Variants in CCDC68 observed in about 807,000 individuals in gnomAD.
The protein encoded by CCDC68 is coiled-coil domain-containing protein 68.
Under a neutral mutation model 47.1 loss-of-function variants are expected in CCDC68, and 45 were observed. That is an observed-to-expected ratio of 0.96 (90% CI 0.75 to 1.23). CCDC68 has a LOEUF of 1.23. Among genes scored for constraint, CCDC68 ranks in the 50% most tolerant of loss-of-function variants. CCDC68 has a pLI of 0.00. For missense variants in CCDC68, 353 were observed against 373.6 expected (o/e 0.94, Z 0.45); for synonymous variants, 131 against 129.5 (o/e 1.01, Z -0.08).
chr18:54,930,742 G>A (rs2044241371), intron 7 of CCDC68, among the ~76,000 whole-genome samples: 2 of 142,698 alleles, frequency 1.4e-5, no homozygotes, highest in African/African-American at 5.2e-5. Context: ...TTTTTATACA[G>A]AGTTTTGCTC....
chr18:54,956,213 T>C (rs367893231), intron 1 of CCDC68, among the ~76,000 whole-genome samples: 157 of 152,248 alleles, frequency 1.0e-3, no homozygotes, highest in African/African-American at 3.7e-3. Flanking sequence ...TGGTCTCGAA[T>C]TCCTGACCTC....
In CCDC68 at chr18:54,934,888, CA is replaced by C; in HGVS notation, c.531del (p.Ala178LeufsTer29). ...LKQHVENLNQVAEKLEEKHSQ... is the reference protein window; with the variant it reads ...LKQHVENLNQXAEKLEEKHSQ... ...CTGTGTTTTTCTTCAAGTTTTTCAG[CA>C]ACTTGATTCAGATTTTCAACATGTT... On this transcript the variant is annotated frameshift_variant, in exon 7 of 12. Coordinates refer to ENST00000591504, the MANE Select transcript of CCDC68 (RefSeq NM_025214.3). LOFTEE classifies it high-confidence loss of function. 1 of 1,601,964 alleles carries C rather than the reference CA, an allele frequency of 6.2e-7. No individual in the cohort carries two copies. The highest frequency in any genetic ancestry group is 8.5e-7 in the Non-Finnish European group (1 of 1,174,396).
intron 1 of CCDC68, among the ~76,000 whole-genome samples, chr18:54,951,098 C>T (rs1461959094): frequency 1.3e-5 from 2 of 150,378 alleles, no homozygotes; most frequent in East Asian, 2.0e-4. Flanking sequence ...TTAGTAGAGA[C>T]GGGGTTTCAC....
intron 8 of CCDC68, among the ~76,000 whole-genome samples, chr18:54,926,532 C>A (rs544732030): frequency 1.3e-5 from 2 of 152,138 alleles, no homozygotes; most frequent in Admixed American, 6.5e-5. Context: ...CTCATCTTTT[C>A]GGGTGGGGAC....
chr18:54,935,121 C>A (rs2044322480), intron 6 of CCDC68, among the ~76,000 whole-genome samples, 173 bp from the exon 7 acceptor site: 1 of 152,170 alleles, frequency 6.6e-6, no homozygotes, highest in African/African-American at 2.4e-5. Context: ...TAGACTACAA[C>A]AACATTAAAT....
At chr18:54,943,371 T>G (rs992518877) in intron 2 of CCDC68, among the ~76,000 whole-genome samples, 151 of 152,022 alleles carry the variant, frequency 9.9e-4, no homozygotes, top group African/African-American at 3.6e-3. Flanking sequence ...GAGCGGAAAA[T>G]AATATATAAT....
At position 54,910,961 on chromosome 18, in the gene CCDC68, T is replaced by C. The variant is rs2145375670; in HGVS notation, c.874-3099A>G. 2.0e-5 allele frequency among the ~76,000 whole-genome samples: 3 copies of C among 152,228 alleles called. No individual in the cohort carries two copies. The Middle Eastern group carries it at 0.01, about 518-fold the overall frequency. ...CCCCAGGAGTGCAGGGACTCCTGAG[T>C]CTGCAGCCACAGTTCAAACAGCTGC... On this transcript the variant is annotated intron_variant, in intron 10 of 11. Coordinates refer to ENST00000591504, the MANE Select transcript of CCDC68 (RefSeq NM_025214.3).
chr18:54,917,610 AT>A (rs1790623297), intron 10 of CCDC68, among the ~76,000 whole-genome samples: 1 of 152,158 alleles, frequency 6.6e-6, no homozygotes, highest in South Asian at 2.1e-4. Flanking sequence ...CCTTTTTTCC[AT>A]AGTGCTAATT....
At chr18:54,913,760 C>T (rs2043895444) in intron 10 of CCDC68, among the ~76,000 whole-genome samples, 1 of 152,024 alleles carries the variant, frequency 6.6e-6, no homozygotes, top group Non-Finnish European at 1.5e-5. Context: ...CTGCAGTGAG[C>T]CATGATCATG....
intron 8 of CCDC68, among the ~76,000 whole-genome samples, chr18:54,927,249 T>C (rs1288624809): frequency 1.3e-5 from 2 of 152,194 alleles, no homozygotes; most frequent in Non-Finnish European, 2.9e-5. Flanking sequence ...GCCTGGATGT[T>C]GGAAAAACCT....
At position 54,904,334 on chromosome 18, in the gene CCDC68, A is replaced by G. The variant is rs1041511539; in HGVS notation, c.*24T>C. The G allele has an allele frequency of 1.3e-6, 2 of 1,588,546 alleles. No individual in the cohort carries two copies. The highest frequency in any genetic ancestry group is 1.3e-5 in the African/African-American group (1 of 74,426). ...TAAATAAGACTCACGCAGTCTTTCTAAATCAGATCTTCATCCAGCCAGTTC... is the reference window on the plus strand; with the variant it reads ...TAAATAAGACTCACGCAGTCTTTCTGAATCAGATCTTCATCCAGCCAGTTC... On this transcript the variant is annotated 3_prime_UTR_variant, in exon 12 of 12. Transcript: ENST00000591504.
chr18:54,914,574 C>T (rs1211768273), intron 10 of CCDC68, among the ~76,000 whole-genome samples: 8 of 151,878 alleles, frequency 5.3e-5, no homozygotes, highest in Admixed American at 5.2e-4. Flanking sequence ...GCCGAGATCA[C>T]GAGATCACGC....
chr18:54,912,686 C>T (rs754960696), intron 10 of CCDC68, among the ~76,000 whole-genome samples: 5 of 152,026 alleles, frequency 3.3e-5, no homozygotes, highest in African/African-American at 9.7e-5. Context: ...TCTGTACTGA[C>T]GCTGCTAATA....
intron 1 of CCDC68, among the ~76,000 whole-genome samples, chr18:54,948,809 G>T (rs899529884): frequency 5.3e-5 from 8 of 152,144 alleles, no homozygotes; most frequent in African/African-American, 1.9e-4. Flanking sequence ...GGGACCAAGG[G>T]TAAAAGGAGG....
At chr18:54,955,525 A>G (rs1008853746) in intron 1 of CCDC68, among the ~76,000 whole-genome samples, 1 of 152,194 alleles carries the variant, frequency 6.6e-6, no homozygotes, top group African/African-American at 2.4e-5. Flanking sequence ...ATATTTAAGC[A>G]TAAGTTGTGA....
In CCDC68 at chr18:54,919,172, GA is replaced by G. The variant is rs906561392; in HGVS notation, c.789+98del. 5.7e-6 allele frequency: 5 copies of G among 871,572 alleles called. No homozygotes were observed. The Admixed American group carries it at 8.9e-5, about 15-fold the overall frequency. The allele number at this position is 871,572 out of a possible 1,614,324, so 54.0% of individuals were successfully genotyped here. A position where few individuals can be genotyped will look rare whatever the true frequency, so the allele number is the denominator to read the frequency against. Reference sequence around the variant, plus strand: ...AAAAAAGGATATGTCAGTAGGGAGAGAAATCTCATTGCTTCAAAAGTCCAGT... The same window carrying G: ...AAAAAAGGATATGTCAGTAGGGAGAGAATCTCATTGCTTCAAAAGTCCAGT... On this transcript the variant is annotated intron_variant, in intron 9 of 11. Coordinates refer to ENST00000591504, the MANE Select transcript of CCDC68 (RefSeq NM_025214.3).
intron 2 of CCDC68, among the ~76,000 whole-genome samples, chr18:54,944,712 A>G (rs1398688235): frequency 6.6e-6 from 1 of 152,224 alleles, no homozygotes; most frequent in Non-Finnish European, 1.5e-5. Flanking sequence ...AAGTTTATTT[A>G]TTGAATTCCA....
At position 54,928,813 on chromosome 18, in the gene CCDC68, T is replaced by C; in HGVS notation, c.670A>G (p.Thr224Ala). 1 of 1,610,242 alleles carries C rather than the reference T, an allele frequency of 6.2e-7. No homozygotes were observed. Among genetic ancestry groups the C allele is most frequent in the Non-Finnish European group, 8.5e-7 (1 of 1,176,438 alleles). Reference protein sequence around the residue: ...NKLLQLKSSATYGKSCQDLQR... With the variant: ...NKLLQLKSSAAYGKSCQDLQR... ...AGCTTCACAAACCTTTTTCCATATG[T>C]AGCACTGGATTTGAGTTGCAGTAGC... The change falls in exon 8 of 12, where the codon ACA (threonine) becomes GCA (alanine). Residue 224 changes from threonine (T) to alanine (A), a missense_variant. Transcript: ENST00000591504.
At chr18:54,918,279 C>A (rs1181413793) in intron 9 of CCDC68, among the ~76,000 whole-genome samples, 1 of 152,156 alleles carries the variant, frequency 6.6e-6, no homozygotes, top group Admixed American at 6.6e-5. Context: ...CAGCACTGGC[C>A]GCCCTTCTGC....
Sources: allele counts gnomAD v4.1 joint callset (sites outside exome capture counted in the v4.1 genomes callset), GRCh38; gene constraint gnomAD v4.1.1; transcripts MANE v1.5; gene names NCBI Gene and HGNC (gene_info 2026-07-23, HGNC 2026-07-21).